Variants in KLHL8 observed in about 807,000 individuals in gnomAD.
KLHL8 encodes kelch like family member 8, also known as kelch-like protein 8.
Under a neutral mutation model 63.5 loss-of-function variants are expected in KLHL8, and 38 were observed. The observed-to-expected ratio is 0.60, with a 90% CI of 0.46 to 0.78. The LOEUF is 0.78. Ranked by LOEUF, KLHL8 falls within the 30% of genes least tolerant of loss-of-function variation. KLHL8 has a pLI of 0.00. For synonymous variants in KLHL8, 224 were observed against 254.3 expected (o/e 0.88, Z 1.13); for missense variants, 566 against 752.4 (o/e 0.75, Z 2.90).
intron 2 of KLHL8, among the ~76,000 whole-genome samples, chr4:87,194,671 C>T (rs1026148521): frequency 6.6e-6 from 1 of 152,186 alleles, no homozygotes; most frequent in African/African-American, 2.4e-5. Flanking sequence ...TAATGAGAAA[C>T]AATCAACAAA....
intron 1 of KLHL8, among the ~76,000 whole-genome samples, chr4:87,212,535 C>T (rs1732441434): frequency 6.6e-6 from 1 of 151,964 alleles, no homozygotes; most frequent in African/African-American, 2.4e-5. Context: ...GAGCCATGAT[C>T]TTGCCAGTGG....
At chr4:87,180,879 C>CA (rs1331908881) in intron 4 of KLHL8, among the ~76,000 whole-genome samples, 2 of 150,850 alleles carry the variant, frequency 1.3e-5, no homozygotes, top group African/African-American at 2.4e-5. Context: ...CCAATCCCTA[C>CA]AAAAAAGAAA....
At chr4:87,167,653 C>G in intron 8 of KLHL8, 1 of 413,906 alleles carries the variant, frequency 2.4e-6, no homozygotes, top group South Asian at 2.0e-5. Context: ...ACAGAGGGTT[C>G]TTTGGATGTA....
At chr4:87,187,705 G>T (rs2109998976) in intron 2 of KLHL8, among the ~76,000 whole-genome samples, 1 of 151,854 alleles carries the variant, frequency 6.6e-6, no homozygotes, top group East Asian at 1.9e-4. Context: ...TACTTTTATG[G>T]TTTTATGTTT....
At chr4:87,226,577 CTCTCTCTA>C (rs1422063476) in intron 1 of KLHL8, among the ~76,000 whole-genome samples, 1 of 88,638 alleles carries the variant, frequency 1.1e-5, no homozygotes, top group Non-Finnish European at 2.1e-5. Flanking sequence ...CGCTCTCTCT[CTCTCTCTA>C]TATATATAAA....
intron 1 of KLHL8, among the ~76,000 whole-genome samples, chr4:87,209,722 C>A (rs188013166): frequency 4.1e-4 from 63 of 152,258 alleles, no homozygotes; most frequent in Non-Finnish European, 7.1e-4. Flanking sequence ...TGTACTAACT[C>A]ACTTTACACT....
intron 9 of KLHL8, 38 bp downstream of exon 9, chr4:87,163,840 G>C (rs755749876): frequency 4.4e-6 from 7 of 1,585,330 alleles, no homozygotes; most frequent in Non-Finnish European, 6.1e-6. Context: ...TATTATACCA[G>C]AAGATAATAT....
chr4:87,217,647 C>CTTT (rs1216494811), intron 1 of KLHL8, among the ~76,000 whole-genome samples: 5 of 128,378 alleles, frequency 3.9e-5, no homozygotes, highest in African/African-American at 8.6e-5. Context: ...AGCCTGGCCT[C>CTTT]TTTTTTTTTT....
intron 2 of KLHL8, among the ~76,000 whole-genome samples, chr4:87,191,782 G>C (rs1207264126): frequency 6.9e-6 from 1 of 144,326 alleles, no homozygotes; most frequent in Non-Finnish European, 1.5e-5. Context: ...CCCCCATATT[G>C]TATCCACCAC....
rs781319440 is a variant in KLHL8 at position 87,170,495 on chromosome 4, C to T, written c.1329G>A (p.Val443=). ...CTCCACGGGGAGTATTCATTGGTGCCACTGTACTCCACTGATCAGATTCTA... is the reference window on the plus strand; with the variant it reads ...CTCCACGGGGAGTATTCATTGGTGCTACTGTACTCCACTGATCAGATTCTA... ...YDIESDQWST[V]APMNTPRGGV... Residue 443 remains valine, a synonymous_variant, in exon 7 of 10, where the codon GTG becomes GTA. Transcript: ENST00000273963. The T allele has an allele frequency of 6.2e-7, 1 of 1,613,134 alleles. No homozygotes were observed. The highest frequency in any genetic ancestry group is 1.1e-5 in the South Asian group (1 of 90,754).
intron 1 of KLHL8, among the ~76,000 whole-genome samples, chr4:87,236,306 T>G (rs1447849952): frequency 6.6e-6 from 1 of 151,872 alleles, no homozygotes; most frequent in Admixed American, 6.6e-5. Context: ...CCTCCCAGGT[T>G]CAAGTGATTC....
intron 1 of KLHL8, among the ~76,000 whole-genome samples, chr4:87,230,515 T>C (rs1380359164): frequency 6.6e-6 from 1 of 152,240 alleles, no homozygotes; most frequent in Non-Finnish European, 1.5e-5. Context: ...TGTAATCCTC[T>C]AGTCTGGTCA....
intron 1 of KLHL8, among the ~76,000 whole-genome samples, chr4:87,226,747 A>ATT (rs1733000890): frequency 4.9e-5 from 1 of 20,548 alleles, no homozygotes. Flanking sequence ...ATTTATATAT[A>ATT]ATATATATTA....
Position 87,177,219 on chromosome 4 carries a change from A to T in KLHL8, c.1097-351T>A, listed in dbSNP as rs150574683. On this transcript the variant is annotated intron_variant, in intron 5 of 9. Transcript: ENST00000273963. ...ATGCTCTTATTAGGTTATATTTGAA[A>T]ATATAAAACTGGTGGCTGGGCATGG... 4.7e-3 allele frequency among the ~76,000 whole-genome samples: 720 copies of T among 152,290 alleles called. 4 individuals are homozygous for T. The highest frequency in any genetic ancestry group is 0.017 in the Middle Eastern group (5 of 294).
chr4:87,166,221 A>G (rs1007059666), intron 8 of KLHL8, among the ~76,000 whole-genome samples: 2 of 152,256 alleles, frequency 1.3e-5, no homozygotes, highest in Non-Finnish European at 2.9e-5. Context: ...CAAGATGTAG[A>G]GGTAAATTAT....
intron 8 of KLHL8, chr4:87,167,534 C>T (rs371354733): frequency 5.5e-6 from 3 of 541,218 alleles, no homozygotes; most frequent in Non-Finnish European, 1.1e-5. Context: ...TAAATCAGAA[C>T]TCGAATGGCC....
At chr4:87,188,872 T>C (rs1731361634) in intron 2 of KLHL8, among the ~76,000 whole-genome samples, 1 of 152,238 alleles carries the variant, frequency 6.6e-6, no homozygotes, top group Non-Finnish European at 1.5e-5. Context: ...ATAAATACTA[T>C]ATGTCCCTGA....
intron 1 of KLHL8, among the ~76,000 whole-genome samples, chr4:87,204,054 C>T (rs374711047): frequency 7.9e-5 from 12 of 152,094 alleles, no homozygotes; most frequent in African/African-American, 1.9e-4. Context: ...ACTGCCATTA[C>T]GTAAATGAAA....
At chr4:87,168,072 G>A (rs6821399) in intron 8 of KLHL8, among the ~76,000 whole-genome samples, 22,512 of 152,000 alleles carry the variant, frequency 0.15, 3,509 homozygotes, top group African/African-American at 0.39. Flanking sequence ...TGGTTAAAGG[G>A]GGAAGATATA....
Sources: gnomAD v4.1 joint callset for allele counts (sites outside exome capture counted in the v4.1 genomes callset) on GRCh38, gnomAD v4.1.1 for gene constraint, MANE v1.5 for transcripts, NCBI Gene and HGNC (gene_info 2026-07-23, HGNC 2026-07-21) for gene names.